The following DBH variants were observed in gnomAD, a reference collection of about 807,000 sequenced individuals.
DBH encodes the protein dopamine beta-hydroxylase (dopamine beta-monooxygenase).
A neutral mutation model predicts 64.0 loss-of-function variants in DBH; 49 were observed. That is an observed-to-expected ratio of 0.77 (90% CI 0.61 to 0.97). The LOEUF (loss-of-function observed/expected upper bound fraction) is 0.97, where lower values mean the gene tolerates loss of function less well. Ranked by LOEUF, DBH falls within the 50% of genes least tolerant of loss-of-function variation. The pLI is 0.00. For synonymous variants in DBH, 343 were observed against 347.1 expected, an observed-to-expected ratio of 0.99 and a Z score of 0.13; for missense variants, 828 against 826.6, an observed-to-expected ratio of 1.00 and a Z score of -0.02.
chr9:133,641,783 G>C (rs1484608098), intron 2 of DBH, among the ~76,000 whole-genome samples: 3 of 152,152 alleles, frequency 2.0e-5, no homozygotes, highest in Non-Finnish European at 4.4e-5. Flanking sequence ...CAAGCCCCAG[G>C]GTGTTTCCTT....
intron 6 of DBH, among the ~76,000 whole-genome samples, chr9:133,648,256 C>T (rs764090278): frequency 1.3e-5 from 2 of 152,240 alleles, no homozygotes; most frequent in African/African-American, 2.4e-5. Context: ...ACCCACGTGC[C>T]AGGCTTCCAC....
chr9:133,657,358 C>A, intron 11 of DBH, 129 bp downstream of exon 11: 1 of 1,141,140 alleles, frequency 8.8e-7, no homozygotes, highest in Non-Finnish European at 1.3e-6. Context: ...AGAGCAAGTG[C>A]CAGGTGGTGA....
intron 5 of DBH, among the ~76,000 whole-genome samples, chr9:133,646,019 G>A (rs1021413558): frequency 6.6e-6 from 1 of 152,276 alleles, no homozygotes. Context: ...ATGGACAGCA[G>A]AAAAGCATGA....
chr9:133,648,729 C>T (rs1832212154), intron 6 of DBH, among the ~76,000 whole-genome samples: 1 of 152,228 alleles, frequency 6.6e-6, no homozygotes, highest in African/African-American at 2.4e-5. Flanking sequence ...AGGTCCTGTC[C>T]TTGGCTTCTG....
rs745685569 is a variant in DBH, at chr9:133,636,517, A to G, written c.146A>G (p.Tyr49Cys). 19 of 1,613,382 alleles carry G rather than the reference A, an allele frequency of 1.2e-5. 1 individual carries two copies. The South Asian group carries it at 2.0e-4, about 17-fold the overall frequency. The change falls in exon 1 of 12, where the codon TAT becomes TGT. Residue 49 changes from tyrosine (Y) to cysteine (C), a missense_variant. Coordinates refer to ENST00000393056, the MANE Select transcript of DBH (RefSeq NM_000787.4). Reference protein sequence around the residue: ...GSAPRESPLPYHIPLDPEGSL... With the variant: ...GSAPRESPLPCHIPLDPEGSL... The stretch of plus-strand genomic sequence containing the variant: ...GCTCCCCGTGAGAGCCCCCTCCCCT[A>G]TCACATCCCCCTGGACCCGGAGGGG...
At chr9:133,654,305 T>C (rs966565101) in intron 9 of DBH, among the ~76,000 whole-genome samples, 2 of 152,034 alleles carry the variant, frequency 1.3e-5, no homozygotes, top group African/African-American at 2.4e-5. Context: ...ATTTTCACCA[T>C]GTTGGCCAGG....
intron 6 of DBH, 112 bp from the exon 7 acceptor site, chr9:133,651,522 G>A: frequency 7.4e-7 from 1 of 1,359,162 alleles, no homozygotes; most frequent in Non-Finnish European, 1.0e-6. Context: ...AAATGCAAGT[G>A]TTCCAGGGAA....
chr9:133,650,720 G>GT (rs1030047072), intron 6 of DBH, among the ~76,000 whole-genome samples: 5 of 151,384 alleles, frequency 3.3e-5, no homozygotes, highest in African/African-American at 9.7e-5. Flanking sequence ...GCCAATTTTT[G>GT]TATTTTTAGT....
intron 4 of DBH, 58 bp from the exon 5 acceptor site, chr9:133,644,160 C>G (rs1832154246): frequency 7.3e-7 from 1 of 1,362,398 alleles, no homozygotes; most frequent in Admixed American, 1.7e-5. Context: ...TTTGCCCCTG[C>G]CCAGACCTGG....
rs769705657 is a variant in DBH at position 133,639,982 on chromosome 9, A to G, written c.476A>G (p.Tyr159Cys). 5 of 1,613,920 alleles carry G rather than the reference A, an allele frequency of 3.1e-6. No individual in the cohort carries two copies. In the East Asian group the frequency reaches 1.1e-4, roughly 36 times the overall value. ...RPFGTCDPKD[Y>C]LIEDGTVHLV... ...TTTGGCACCTGCGACCCCAAGGATT[A>G]CCTCATTGAAGTAAGGGGTGGCCGC... The change falls in exon 2 of 12, where the codon TAC (tyrosine) becomes TGC (cysteine). Residue 159 changes from tyrosine (Y) to cysteine (C), a missense_variant. Physicochemically the swap from Tyr to Cys is radical, Grantham distance 194. Coordinates refer to ENST00000393056, the MANE Select transcript of DBH (RefSeq NM_000787.4).
intron 9 of DBH, among the ~76,000 whole-genome samples, chr9:133,654,206 C>T (rs1182772736): frequency 5.3e-5 from 8 of 152,124 alleles, no homozygotes; most frequent in African/African-American, 1.2e-4. Context: ...CGAGTTCAAC[C>T]GATTCTCCTG....
intron 5 of DBH, among the ~76,000 whole-genome samples, chr9:133,644,649 G>T (rs552145792): frequency 2.0e-5 from 3 of 152,234 alleles, no homozygotes; most frequent in Non-Finnish European, 2.9e-5. Context: ...TTTCATAAGG[G>T]AAGCTGCCAG....
chr9:133,636,926 C>T (rs1260205802), intron 1 of DBH, among the ~76,000 whole-genome samples: 3 of 152,146 alleles, frequency 2.0e-5, no homozygotes, highest in African/African-American at 7.2e-5. Context: ...TTTCCATGGT[C>T]CTTGACTGCC....
rs147988093 is a variant in DBH at position 133,637,888 on chromosome 9, CAA to C, written c.339+1180_339+1181del. On this transcript the variant is annotated intron_variant, in intron 1 of 11. Transcript: ENST00000393056. ...ATAGGGCTGCACAGATTCCTGTGCACAAAGACACTCTGTGGCTCAGGTTCCAG... is the reference window on the plus strand; with the variant it reads ...ATAGGGCTGCACAGATTCCTGTGCACAGACACTCTGTGGCTCAGGTTCCAG... 5.4e-3 allele frequency among the ~76,000 whole-genome samples: 827 copies of C among 152,314 alleles called. 7 individuals carry two copies. Among genetic ancestry groups the C allele is most frequent in the African/African-American group, 0.019 (794 of 41,574 alleles).
intron 1 of DBH, 148 bp from the exon 2 acceptor site, chr9:133,639,698 A>G (rs1832093390): frequency 1.2e-6 from 1 of 841,216 alleles, no homozygotes; most frequent in Non-Finnish European, 1.9e-6. Context: ...AGCCCCAGGC[A>G]GAACCCTCAG....
At chr9:133,640,576 A>C (rs1003832510) in intron 2 of DBH, among the ~76,000 whole-genome samples, 1 of 152,246 alleles carries the variant, frequency 6.6e-6, no homozygotes, top group Non-Finnish European at 1.5e-5. Flanking sequence ...TCTTAGGGAA[A>C]GCAACCCACC....
rs5318 is a variant in DBH at position 133,636,405 on chromosome 9, G to A, written c.34G>A (p.Gly12Ser). 34 of 1,611,564 alleles carry A rather than the reference G, an allele frequency of 2.1e-5. No individual in the cohort carries two copies. Among genetic ancestry groups the A allele is most frequent in the African/African-American group, 1.1e-4 (8 of 74,930 alleles). Residue 12 changes from glycine to serine, a missense_variant, in exon 1 of 12, where the codon GGC (glycine) becomes AGC (serine). Transcript: ENST00000393056. ...CCTCAGTCGCTGGGCCAGCCTGCCCGGCCCCAGCATGCGGGAGGCAGCCTT... is the reference window on the plus strand; with the variant it reads ...CCTCAGTCGCTGGGCCAGCCTGCCCAGCCCCAGCATGCGGGAGGCAGCCTT... ...PALSRWASLP[G>S]PSMREAAFMY...
Position 133,656,544 on chromosome 9 carries a change from G to A in DBH, c.1456G>A (p.Glu486Lys), listed in dbSNP as rs1199749825. The A allele has an allele frequency of 4.3e-6, 7 of 1,613,966 alleles. No homozygotes were observed. Among genetic ancestry groups the A allele is most frequent in the East Asian group, 2.2e-5 (1 of 44,880 alleles). ...ATVGGFGILE[E>K]MCVNYVHYYP... is the part of the protein sequence containing the mutation. ...GCAGGGGGGCTTCGGGATCCTGGAG[G>A]AGATGTGTGTCAACTACGTGCACTA... Residue 486 changes from glutamate (E) to lysine (K), a missense_variant, in exon 10 of 12, where the codon GAG becomes AAG. Glu to Lys is a moderately conservative substitution (Grantham distance 56). Coordinates refer to ENST00000393056, the MANE Select transcript of DBH (RefSeq NM_000787.4).
intron 7 of DBH, 110 bp downstream of exon 7, chr9:133,651,887 T>A: frequency 8.3e-7 from 1 of 1,202,758 alleles, no homozygotes; most frequent in Non-Finnish European, 1.2e-6. Context: ...TGGCTTCTTT[T>A]TCCTGGGCCA....
Sources: gnomAD v4.1 joint callset for allele counts (sites outside exome capture counted in the v4.1 genomes callset) on GRCh38, gnomAD v4.1.1 for gene constraint, MANE v1.5 for transcripts, NCBI Gene and HGNC (gene_info 2026-07-23, HGNC 2026-07-21) for gene names.